The following KRABD2 variants were observed in gnomAD, a reference collection of about 807,000 sequenced individuals.
KRABD2 encodes the protein KRAB domain containing 2.
the KRABD2 span, among the ~76,000 whole-genome samples, chr17:8,363,897 C>T: frequency 2.2e-5 from 3 of 134,494 alleles, no homozygotes; most frequent in South Asian, 2.3e-4. Flanking sequence ...TAGACAGATT[C>T]TTGCTCTGTT....
chr17:8,372,584 A>G, the KRABD2 span, among the ~76,000 whole-genome samples: 107 of 152,242 alleles, frequency 7.0e-4, no homozygotes, highest in African/African-American at 2.6e-3. The surrounding 1 kb of genome is among the most constrained non-coding windows in gnomAD (Gnocchi z 4.1). Flanking sequence ...GAGCCAGCAC[A>G]CCCAGCCGGT....
chr17:8,366,003 C>T, the KRABD2 span, among the ~76,000 whole-genome samples: 1 of 152,060 alleles, frequency 6.6e-6, no homozygotes, highest in Non-Finnish European at 1.5e-5. Flanking sequence ...TGGCGGGCGC[C>T]TGTAATCCCA....
chr17:8,371,843 G>A, the KRABD2 span: 1 of 1,047,048 alleles, frequency 9.6e-7, no homozygotes, highest in Non-Finnish European at 1.2e-6. Flanking sequence ...AGATTATCCT[G>A]CAGAAAAGAG....
the KRABD2 span, chr17:8,369,274 C>G: frequency 6.2e-7 from 1 of 1,614,138 alleles, no homozygotes; most frequent in Non-Finnish European, 8.5e-7. Context: ...AGGCTATTTT[C>G]TAGCTGTTCT....
the KRABD2 span, chr17:8,370,286 T>C: frequency 6.2e-7 from 1 of 1,613,026 alleles, no homozygotes; most frequent in Non-Finnish European, 8.5e-7. Context: ...GAAACTTTTC[T>C]CTCATGTTAC....
At chr17:8,364,722 G>T in the KRABD2 span, among the ~76,000 whole-genome samples, 1 of 151,662 alleles carries the variant, frequency 6.6e-6, no homozygotes, top group East Asian at 1.9e-4. The surrounding 1 kb of genome is among the most constrained non-coding windows in gnomAD (Gnocchi z 4.4). Flanking sequence ...TTAAAGTGTT[G>T]GCAATTAATT....
the KRABD2 span, chr17:8,370,293 TTA>T: frequency 6.2e-7 from 1 of 1,612,722 alleles, no homozygotes; most frequent in East Asian, 2.2e-5. Context: ...TTCTCTCATG[TTA>T]CTTATCTCCA....
At chr17:8,366,584 T>C in the KRABD2 span, among the ~76,000 whole-genome samples, 1 of 152,328 alleles carries the variant, frequency 6.6e-6, no homozygotes, top group Admixed American at 6.5e-5. Context: ...GTTACACAAT[T>C]ATCTGTGCAT....
the KRABD2 span, among the ~76,000 whole-genome samples, chr17:8,366,031 G>A: frequency 6.6e-6 from 1 of 152,082 alleles, no homozygotes; most frequent in Non-Finnish European, 1.5e-5. Flanking sequence ...GGGAGGCTGA[G>A]GCAGGAGAAT....
chr17:8,366,653 A>G, the KRABD2 span, among the ~76,000 whole-genome samples: 3 of 152,190 alleles, frequency 2.0e-5, no homozygotes, highest in South Asian at 6.2e-4. Flanking sequence ...AACAGAGCCC[A>G]GTTGGTAAGG....
chr17:8,371,252 C>A, the KRABD2 span: 1 of 1,362,268 alleles, frequency 7.3e-7, no homozygotes, highest in Non-Finnish European at 1.0e-6. Flanking sequence ...TTTTAAATGA[C>A]GGTTTCCCCT....
At chr17:8,376,111 G>A in the KRABD2 span, 52 of 1,231,538 alleles carry the variant, frequency 4.2e-5, no homozygotes, top group Non-Finnish European at 5.3e-5. Context: ...CAACCTATAA[G>A]GTAGGGACGG....
chr17:8,375,376 A>ATC, the KRABD2 span, among the ~76,000 whole-genome samples: 1 of 152,210 alleles, frequency 6.6e-6, no homozygotes, highest in African/African-American at 2.4e-5. Flanking sequence ...GCCTGGCAAT[A>ATC]ACTGGCTGTG....
the KRABD2 span, chr17:8,376,618 A>T: frequency 1.0e-6 from 1 of 985,806 alleles, no homozygotes; most frequent in African/African-American, 1.7e-5. Flanking sequence ...AGAGCTGCAG[A>T]CTGAGGAAGG....
the KRABD2 span, chr17:8,369,477 T>C: frequency 1.2e-6 from 2 of 1,613,928 alleles, no homozygotes; most frequent in African/African-American, 2.7e-5. Context: ...ACATGAGTGG[T>C]TACTCTGCAT....
At chr17:8,369,938 T>C in the KRABD2 span, 2 of 1,614,238 alleles carry the variant, frequency 1.2e-6, no homozygotes, top group Non-Finnish European at 1.7e-6. Context: ...CAATAACTTC[T>C]TTGGTGACAT....
chr17:8,370,527 A>G, the KRABD2 span: 2 of 635,644 alleles, frequency 3.1e-6, no homozygotes, highest in South Asian at 4.6e-5. Flanking sequence ...AATAATAGTT[A>G]AAAAGCAACT....
the KRABD2 span, chr17:8,376,653 A>G: frequency 2.0e-6 from 2 of 985,460 alleles, no homozygotes; most frequent in Non-Finnish European, 2.4e-6. Flanking sequence ...GGGACACACC[A>G]GACGCGGCGT....
the KRABD2 span, among the ~76,000 whole-genome samples, chr17:8,373,127 G>GTCTCCC: frequency 5.8e-5 from 8 of 138,412 alleles, no homozygotes; most frequent in Admixed American, 2.9e-4. Flanking sequence ...CGTCTCCACG[G>GTCTCCC]TCTCCCTCTC....
Sources: gnomAD v4.1 joint callset for allele counts (sites outside exome capture counted in the v4.1 genomes callset) on GRCh38, gnomAD v4.1.1 for gene constraint, Gnocchi (gnomAD v3.1) non-coding constraint, MANE v1.5 for transcripts, NCBI Gene and HGNC (gene_info 2026-07-23, HGNC 2026-07-21) for gene names.